Variants in ACSL4 observed in about 807,000 individuals in gnomAD.
ACSL4 encodes long-chain-fatty-acid--CoA ligase 4.
Under a neutral mutation model 49.1 loss-of-function variants are expected in ACSL4, and 9 were observed. The observed-to-expected ratio is 0.18, with a 90% CI of 0.11 to 0.32. The LOEUF (loss-of-function observed/expected upper bound fraction) is 0.32, where lower values mean the gene tolerates loss of function less well. Ranked by LOEUF, ACSL4 falls within the 10% of genes least tolerant of loss-of-function variation. ACSL4 has a pLI of 1.00. For missense variants in ACSL4, 333 were observed against 493.7 expected, an observed-to-expected ratio of 0.67 and a Z score of 3.08; for synonymous variants, 191 against 170.3, an observed-to-expected ratio of 1.12 and a Z score of -0.95.
In ACSL4 at chrX:109,698,393, T is replaced by C. The variant is rs140342808; in HGVS notation, c.-65-2197A>G. 1.4e-4 allele frequency among the ~76,000 whole-genome samples: 16 copies of C among 111,779 alleles called. No homozygotes were observed. In the East Asian group the frequency reaches 4.5e-3, roughly 31 times the overall value. On this transcript the variant is annotated intron_variant, in intron 1 of 15. Coordinates refer to ENST00000672401, the MANE Select transcript of ACSL4 (RefSeq NM_001318510.2). ...ATTAAAATAAATTGAAGAAATAATT[T>C]AATATAAAAAACTAAGCAGATTACC...
At chrX:109,651,275 T>C (rs915132857) in intron 15 of ACSL4, among the ~76,000 whole-genome samples, 1 of 111,612 alleles carries the variant, frequency 9.0e-6, no homozygotes, top group Non-Finnish European at 1.9e-5. Context: ...GAAGCAAACA[T>C]TCGCACATTT....
chrX:109,642,966 A>G lies in ACSL4; in HGVS notation c.*1063T>C, dbSNP rs1379179842. 3 of 112,340 alleles carry G rather than the reference A, an allele frequency of 2.7e-5. No homozygotes were observed. The highest frequency in any genetic ancestry group is 5.6e-5 in the Non-Finnish European group (3 of 53,149). 9.3% of individuals were successfully genotyped at this position (112,340 alleles called of 1,213,427 possible). ...CATTATAACCCGCTTTGCTAAAATT[A>G]AAGCAAAATGAAAGGCTTTCTGAAA... On this transcript the variant is annotated 3_prime_UTR_variant, in exon 16 of 16. Transcript: ENST00000672401.
chrX:109,685,159 C>G (rs185038592), intron 2 of ACSL4, among the ~76,000 whole-genome samples: 1 of 95,082 alleles, frequency 1.1e-5, no homozygotes, highest in African/African-American at 4.0e-5. Context: ...GTGGCATGAT[C>G]TCAGCTCACT....
At chrX:109,656,667 C>A in intron 15 of ACSL4, among the ~76,000 whole-genome samples, 1 of 110,202 alleles carries the variant, frequency 9.1e-6, no homozygotes, top group Non-Finnish European at 1.9e-5. Context: ...ACAATATGGG[C>A]TGCTTTTTGT....
intron 9 of ACSL4, among the ~76,000 whole-genome samples, chrX:109,670,273 C>T (rs933564894): frequency 7.2e-5 from 8 of 111,110 alleles, no homozygotes; most frequent in African/African-American, 9.8e-5. Flanking sequence ...CAAATGAAGA[C>T]AGCAGAACCA....
intron 15 of ACSL4, among the ~76,000 whole-genome samples, chrX:109,645,463 T>C (rs1170454675): frequency 6.2e-5 from 7 of 112,074 alleles, no homozygotes; most frequent in Non-Finnish European, 1.3e-4. Context: ...CTGAGGGTCC[T>C]GTCTGTTAGA....
chrX:109,662,461 A>C (rs1247523357), intron 13 of ACSL4, among the ~76,000 whole-genome samples: 1 of 111,427 alleles, frequency 9.0e-6, no homozygotes, highest in African/African-American at 3.3e-5. Flanking sequence ...GATGGATTGA[A>C]ATCAGTCACT....
At chrX:109,656,812 T>C (rs1371112867) in intron 15 of ACSL4, among the ~76,000 whole-genome samples, 1 of 110,896 alleles carries the variant, frequency 9.0e-6, no homozygotes, top group Non-Finnish European at 1.9e-5. Context: ...AAAAAAAGCC[T>C]ACTATTGAAC....
chrX:109,654,804 C>T (rs1312580765), intron 15 of ACSL4, among the ~76,000 whole-genome samples: 1 of 111,934 alleles, frequency 8.9e-6, no homozygotes, highest in African/African-American at 3.3e-5. Context: ...AAAGTTCTCC[C>T]GCACCCTATG....
chrX:109,703,028 G>C (rs1268272187), intron 1 of ACSL4, among the ~76,000 whole-genome samples: 2 of 112,124 alleles, frequency 1.8e-5, no homozygotes, highest in Non-Finnish European at 3.8e-5. Flanking sequence ...GCTAATGCTG[G>C]TGAGCAAAAG....
intron 8 of ACSL4, among the ~76,000 whole-genome samples, chrX:109,677,177 T>C (rs1488315771): frequency 1.8e-5 from 2 of 109,891 alleles, no homozygotes; most frequent in Non-Finnish European, 1.9e-5. Flanking sequence ...TTAGCCAGGA[T>C]GGTCTCAATC....
intron 15 of ACSL4, among the ~76,000 whole-genome samples, chrX:109,657,392 A>G (rs1451116028): frequency 1.5e-5 from 1 of 65,062 alleles, no homozygotes; most frequent in African/African-American, 6.3e-5. Context: ...AACAGGCCCC[A>G]GTGTGTGATG....
chrX:109,699,630 T>A (rs1311717084), intron 1 of ACSL4, among the ~76,000 whole-genome samples: 1 of 111,939 alleles, frequency 8.9e-6, no homozygotes, highest in African/African-American at 3.3e-5. Flanking sequence ...GAGTGTTACA[T>A]ATTCATAGAA....
In ACSL4 at chrX:109,688,445, C is replaced by T. The variant is rs182113988; in HGVS notation, c.-12-5070G>A. Reference sequence around the variant, plus strand: ...TCAGCATCATAACCAGCTGTTATTTCTTTCATCTTAAAAAACATTCCCTCC... The same window carrying T: ...TCAGCATCATAACCAGCTGTTATTTTTTTCATCTTAAAAAACATTCCCTCC... On this transcript the variant is annotated intron_variant, in intron 2 of 15. Transcript: ENST00000672401. Among the ~76,000 whole-genome samples the T allele has an allele frequency of 1.8e-3, 196 of 111,978 alleles. 1 individual carries two copies. Among genetic ancestry groups the T allele is most frequent in the African/African-American group, 5.9e-3 (183 of 30,867 alleles).
intron 15 of ACSL4, among the ~76,000 whole-genome samples, chrX:109,653,811 G>A (rs1373610258): frequency 9.2e-6 from 1 of 108,797 alleles, no homozygotes; most frequent in African/African-American, 3.4e-5. Context: ...GTTGTGGGGT[G>A]GGCGGAAGGG....
intron 12 of ACSL4, among the ~76,000 whole-genome samples, chrX:109,664,012 A>G (rs1922415588): frequency 8.9e-6 from 1 of 111,828 alleles, no homozygotes; most frequent in Non-Finnish European, 1.9e-5. Context: ...GCTTACTTTA[A>G]GGAAAATATA....
intron 15 of ACSL4, among the ~76,000 whole-genome samples, chrX:109,653,698 C>G (rs1291062240): frequency 9.2e-6 from 1 of 109,253 alleles, no homozygotes; most frequent in East Asian, 2.9e-4. Context: ...AGTAAACTAT[C>G]GCAAGGACAA....
chrX:109,653,781 A>G (rs1398499953), intron 15 of ACSL4, among the ~76,000 whole-genome samples: 2 of 108,733 alleles, frequency 1.8e-5, no homozygotes, highest in African/African-American at 3.4e-5. Context: ...CAGGAAGGGG[A>G]ACATCACACT....
At chrX:109,667,329 T>A (rs1448061331) in intron 11 of ACSL4, among the ~76,000 whole-genome samples, 1 of 112,578 alleles carries the variant, frequency 8.9e-6, no homozygotes, top group Admixed American at 9.4e-5. Context: ...GGCAACTAAA[T>A]ATTCTGCAAT....
Sources: allele counts gnomAD v4.1 joint callset (sites outside exome capture counted in the v4.1 genomes callset), GRCh38; gene constraint gnomAD v4.1.1; transcripts MANE v1.5; gene names NCBI Gene and HGNC (gene_info 2026-07-23, HGNC 2026-07-21).